The following DGKI variants were observed in gnomAD, a reference collection of about 807,000 sequenced individuals.
The protein encoded by DGKI is DAG kinase iota.
Under a neutral mutation model 147.5 loss-of-function variants are expected in DGKI, and 55 were observed. That is an observed-to-expected ratio of 0.37 (90% CI 0.30 to 0.47). The LOEUF (loss-of-function observed/expected upper bound fraction) is 0.47, where lower values mean the gene tolerates loss of function less well. Among genes scored for constraint, DGKI ranks in the 20% least tolerant of loss-of-function variants. DGKI has a pLI of 1.00. For missense variants in DGKI, 1,007 were observed against 1,323.8 expected (o/e 0.76, Z 3.71); for synonymous variants, 469 against 477.1 (o/e 0.98, Z 0.22).
chr7:137,803,496 T>C (rs1382186231), intron 1 of DGKI, among the ~76,000 whole-genome samples: 1 of 152,224 alleles, frequency 6.6e-6, no homozygotes, highest in Non-Finnish European at 1.5e-5. Flanking sequence ...TTAGATCACC[T>C]GTTTAGCTGT....
At chr7:137,557,625 T>C (rs1525045) in intron 19 of DGKI, among the ~76,000 whole-genome samples, 6,575 of 152,256 alleles carry the variant, frequency 0.043, 361 homozygotes, top group East Asian at 0.11. Context: ...TAAGTATTTC[T>C]TCCCATCTCT....
At chr7:137,494,180 C>G (rs1281728786) in intron 21 of DGKI, among the ~76,000 whole-genome samples, 2 of 151,986 alleles carry the variant, frequency 1.3e-5, no homozygotes, top group Non-Finnish European at 2.9e-5. Flanking sequence ...TTTAAAGAGA[C>G]CAAGTCTATG....
rs2128984165 is a variant in DGKI, at chr7:137,587,830, T to A, written c.1312-620A>T. On this transcript the variant is annotated intron_variant, in intron 12 of 32. Transcript: ENST00000614521. ...TCCTTAATGAAACATTATGAAAACA[T>A]AATTATGGACAGACCTAGTACCTAT... Among the ~76,000 whole-genome samples the A allele has an allele frequency of 3.3e-5, 5 of 152,324 alleles. 1 individual carries two copies. The South Asian group carries it at 1.0e-3, about 32-fold the overall frequency.
rs1445001691 is a variant in DGKI at position 137,382,518 on chromosome 7, C to T, written c.*8702G>A. The T allele has an allele frequency of 6.6e-6, 1 of 152,042 alleles. No individual in the cohort carries two copies. The highest frequency in any genetic ancestry group is 1.9e-4 in the East Asian group (1 of 5,194). 9.4% of individuals were successfully genotyped at this position (152,042 alleles called of 1,614,324 possible). ...AAGTTCCACACACAATCTAATTCTT[C>T]TATGCTGCATAAACTGAAATTTTCA... On this transcript the variant is annotated 3_prime_UTR_variant, in exon 33 of 33. Coordinates refer to ENST00000614521, the MANE Select transcript of DGKI (RefSeq NM_001321708.2).
At position 137,382,863 on chromosome 7, in the gene DGKI, G is replaced by C. The variant is rs576683975; in HGVS notation, c.*8357C>G. On this transcript the variant is annotated 3_prime_UTR_variant, in exon 33 of 33. Coordinates refer to ENST00000614521, the MANE Select transcript of DGKI (RefSeq NM_001321708.2). ...CTCAAGTGACTTCCTCCCTCACCCA[G>C]TCAACCTGAAATCTAGGAACTCAAG... is the stretch of plus-strand genomic sequence containing the variant. 27 of 152,002 alleles carry C rather than the reference G, an allele frequency of 1.8e-4. No homozygotes were observed. The highest frequency in any genetic ancestry group is 3.4e-4 in the Non-Finnish European group (23 of 67,956). The allele number at this position is 152,002 out of a possible 1,614,324, so 9.4% of individuals were successfully genotyped here.
chr7:137,627,495 A>G (rs1471616154), intron 6 of DGKI, among the ~76,000 whole-genome samples: 1 of 152,222 alleles, frequency 6.6e-6, no homozygotes, highest in Non-Finnish European at 1.5e-5. Flanking sequence ...CTATCCAGAC[A>G]TTATAAGCCT....
At chr7:137,401,711 A>C (rs1811768260) in intron 30 of DGKI, among the ~76,000 whole-genome samples, 1 of 152,160 alleles carries the variant, frequency 6.6e-6, no homozygotes, top group African/African-American at 2.4e-5. Flanking sequence ...ATAGAAAAGG[A>C]AATCTCAGGT....
intron 23 of DGKI, among the ~76,000 whole-genome samples, chr7:137,469,850 A>G (rs184851768): frequency 6.6e-6 from 1 of 152,356 alleles, no homozygotes; most frequent in Admixed American, 6.5e-5. Context: ...ATTCCATTAA[A>G]TATTTTCAAT....
intron 1 of DGKI, among the ~76,000 whole-genome samples, chr7:137,697,710 T>G (rs1439693209): frequency 6.6e-6 from 1 of 152,072 alleles, no homozygotes; most frequent in African/African-American, 2.4e-5. Flanking sequence ...ACAACAAAAT[T>G]ATAGTACCCA....
intron 28 of DGKI, among the ~76,000 whole-genome samples, chr7:137,436,379 T>C (rs1179053501): frequency 6.6e-6 from 1 of 152,098 alleles, no homozygotes; most frequent in Non-Finnish European, 1.5e-5. Context: ...CTCATACAAT[T>C]ATGAGGTCTT....
chr7:137,672,131 C>T (rs1822862162), intron 3 of DGKI, among the ~76,000 whole-genome samples: 1 of 152,236 alleles, frequency 6.6e-6, no homozygotes, highest in African/African-American at 2.4e-5. Flanking sequence ...ACCTCAACCA[C>T]ATACCACTCA....
chr7:137,813,819 T>C (rs1395361251), intron 1 of DGKI, among the ~76,000 whole-genome samples: 1 of 152,190 alleles, frequency 6.6e-6, no homozygotes, highest in Non-Finnish European at 1.5e-5. Flanking sequence ...TCAAGCTGCA[T>C]TTAGTGCTGG....
rs139206725 is a variant in DGKI, at chr7:137,482,902, G to T, written c.2373+2472C>A. ...GTCCTAAGGAAGGATATGGGAAAAG[G>T]TGACACCTCTGACACTCATCCCTGA... On this transcript the variant is annotated intron_variant, in intron 23 of 32. Coordinates refer to ENST00000614521, the MANE Select transcript of DGKI (RefSeq NM_001321708.2). Among the ~76,000 whole-genome samples, 518 of 152,078 alleles carry T rather than the reference G, an allele frequency of 3.4e-3. 3 individuals carry two copies. Among genetic ancestry groups the T allele is most frequent in the African/African-American group, 0.011 (467 of 41,484 alleles).
chr7:137,824,184 A>G (rs1004183213), intron 1 of DGKI, among the ~76,000 whole-genome samples: 41 of 152,346 alleles, frequency 2.7e-4, no homozygotes, highest in African/African-American at 9.6e-4. Context: ...ATATATCATA[A>G]CAACGCTGAA....
chr7:137,564,676 A>T (rs1261994375), intron 19 of DGKI, among the ~76,000 whole-genome samples: 1 of 152,254 alleles, frequency 6.6e-6, no homozygotes. Flanking sequence ...TCTGTATAAA[A>T]CATATATAAT....
intron 12 of DGKI, 87 bp downstream of exon 12, chr7:137,597,760 C>T (rs1254065408): frequency 8.0e-7 from 1 of 1,256,702 alleles, no homozygotes; most frequent in East Asian, 2.4e-5. Context: ...ATTAGAAAGA[C>T]TGAGCAACGA....
chr7:137,843,749 A>AC (rs1027883572), intron 1 of DGKI, among the ~76,000 whole-genome samples: 6 of 120,816 alleles, frequency 5.0e-5, no homozygotes, highest in South Asian at 3.0e-4. Flanking sequence ...AGCAGATGAG[A>AC]CCCCCCTACA....
intron 28 of DGKI, among the ~76,000 whole-genome samples, chr7:137,428,315 A>C (rs1168867948): frequency 6.6e-6 from 1 of 152,210 alleles, no homozygotes; most frequent in Non-Finnish European, 1.5e-5. Context: ...TGATTATCTC[A>C]ATAGATGCAG....
At chr7:137,694,569 T>C (rs935543457) in intron 1 of DGKI, among the ~76,000 whole-genome samples, 1 of 152,162 alleles carries the variant, frequency 6.6e-6, no homozygotes, top group Non-Finnish European at 1.5e-5. Flanking sequence ...GGAAGTCTCT[T>C]ACCCAGAACA....
Sources: gnomAD v4.1 joint callset for allele counts (sites outside exome capture counted in the v4.1 genomes callset) on GRCh38, gnomAD v4.1.1 for gene constraint, MANE v1.5 for transcripts, NCBI Gene and HGNC (gene_info 2026-07-23, HGNC 2026-07-21) for gene names.